NUS1: variants seen among roughly 807,000 people sequenced by gnomAD.
NUS1 encodes NUS1 dehydrodolichyl diphosphate synthase subunit.
For missense variants in NUS1, 292 were observed against 382.9 expected, an observed-to-expected ratio of 0.76 and a Z score of 1.98; for synonymous variants, 135 against 155.2, an observed-to-expected ratio of 0.87 and a Z score of 0.97.
intron 4 of NUS1, among the ~76,000 whole-genome samples, chr6:117,706,490 C>G (rs540966250): frequency 6.6e-6 from 1 of 152,308 alleles, no homozygotes; most frequent in Admixed American, 6.5e-5. Context: ...TCTCTCATTA[C>G]TAGTTGCTTT....
Position 117,710,078 on chromosome 6 carries a change from T to A in NUS1, c.*3063T>A, listed in dbSNP as rs1392100868. 1 of 152,298 alleles carries A rather than the reference T, an allele frequency of 6.6e-6. No homozygotes were observed. The highest frequency in any genetic ancestry group is 1.9e-4 in the East Asian group (1 of 5,190). The allele number at this position is 152,298 out of a possible 1,614,324, so 9.4% of individuals were successfully genotyped here. A position where few individuals can be genotyped will look rare whatever the true frequency, so the allele number is the denominator to read the frequency against. On this transcript the variant is annotated 3_prime_UTR_variant, in exon 5 of 5. Coordinates refer to ENST00000368494, the MANE Select transcript of NUS1 (RefSeq NM_138459.5). ...TCCACAGTAATTAAAATTTGAATTT[T>A]TACCGAATATGAAATTTCCAAATTA...
chr6:117,693,465 C>T (rs1242230183), intron 2 of NUS1, among the ~76,000 whole-genome samples: 2 of 151,928 alleles, frequency 1.3e-5, no homozygotes, highest in African/African-American at 4.8e-5. Context: ...ACTGGTTGTT[C>T]TATGGAGTGA....
intron 3 of NUS1, among the ~76,000 whole-genome samples, chr6:117,702,621 A>AT (rs1773426631): frequency 6.6e-6 from 1 of 152,070 alleles, no homozygotes; most frequent in African/African-American, 2.4e-5. Flanking sequence ...CCTTCTTGTC[A>AT]TTTTTTATGG....
In NUS1 at chr6:117,703,770, A is replaced by G. The variant is rs563401402; in HGVS notation, c.791+66A>G. ...AAGTGTTTCTTGAGTTCAGCACTGT[A>G]CTAGATCTGGTGGGGATTTCCAAAG... On this transcript the variant is annotated intron_variant, in intron 4 of 4. Transcript: ENST00000368494. 38 of 1,069,720 alleles carry G rather than the reference A, an allele frequency of 3.6e-5. 1 individual carries two copies. The South Asian group carries it at 4.7e-4, about 13-fold the overall frequency. The allele number at this position is 1,069,720 out of a possible 1,614,324, so 66.3% of individuals were successfully genotyped here.
At position 117,708,207 on chromosome 6, in the gene NUS1, A is replaced by G. The variant is rs1370280544; in HGVS notation, c.*1192A>G. The G allele has an allele frequency of 6.5e-6, 1 of 152,686 alleles. No individual in the cohort carries two copies. Among genetic ancestry groups the G allele is most frequent in the Non-Finnish European group, 1.5e-5 (1 of 68,036 alleles). 9.5% of individuals were successfully genotyped at this position (152,686 alleles called of 1,614,324 possible). A position where few individuals can be genotyped will look rare whatever the true frequency, so the allele number is the denominator to read the frequency against. Reference sequence around the variant, plus strand: ...CAAAGTCTATAAAAATAAATTTTACATGTTCTCTTTTATGACAGAGAGCAG... The same window carrying G: ...CAAAGTCTATAAAAATAAATTTTACGTGTTCTCTTTTATGACAGAGAGCAG... On this transcript the variant is annotated 3_prime_UTR_variant, in exon 5 of 5. Coordinates refer to ENST00000368494, the MANE Select transcript of NUS1 (RefSeq NM_138459.5).
intron 3 of NUS1, among the ~76,000 whole-genome samples, chr6:117,699,956 G>A (rs566937876): frequency 6.6e-6 from 1 of 152,184 alleles, no homozygotes; most frequent in African/African-American, 2.4e-5. Flanking sequence ...ATATCCGCAT[G>A]GAAAATAATG....
chr6:117,693,330 G>GT (rs1482130560), intron 2 of NUS1, among the ~76,000 whole-genome samples, 163 bp downstream of exon 2: 1 of 152,024 alleles, frequency 6.6e-6, no homozygotes, highest in Non-Finnish European at 1.5e-5. Context: ...CTTAATCTTG[G>GT]TAAAAAGTGA....
rs185647079 is a variant in NUS1, at chr6:117,677,070, T to C, written c.415+985T>C. Among the ~76,000 whole-genome samples the C allele has an allele frequency of 1.8e-3, 277 of 152,296 alleles. 1 individual carries two copies. The highest frequency in any genetic ancestry group is 6.3e-3 in the African/African-American group (261 of 41,554). On this transcript the variant is annotated intron_variant, in intron 1 of 4. Coordinates refer to ENST00000368494, the MANE Select transcript of NUS1 (RefSeq NM_138459.5). Reference sequence around the variant, plus strand: ...AGAATTGTCCTCTCATATGTTTTGATTGAGGGAATGAATTTCACCATAGGG... The same window carrying C: ...AGAATTGTCCTCTCATATGTTTTGACTGAGGGAATGAATTTCACCATAGGG...
chr6:117,680,695 C>G (rs574352716), intron 1 of NUS1, among the ~76,000 whole-genome samples: 4 of 152,278 alleles, frequency 2.6e-5, no homozygotes, highest in Admixed American at 6.5e-5. Context: ...TGCTACTTGC[C>G]TTACATTAGA....
chr6:117,694,185 GT>G lies in NUS1; in HGVS notation c.691+12del. ...ATACGTTAGCCAGTTTACTTAGTAA[GT>G]TTTTTTATATATATATACATATATA... On this transcript the variant is annotated splice_donor_region_variant and intron_variant, in intron 3 of 4. Coordinates refer to ENST00000368494, the MANE Select transcript of NUS1 (RefSeq NM_138459.5). 2 of 1,543,482 alleles carry G rather than the reference GT, an allele frequency of 1.3e-6. No individual in the cohort carries two copies. Among genetic ancestry groups the G allele is most frequent in the Non-Finnish European group, 1.8e-6 (2 of 1,133,722 alleles).
chr6:117,698,095 T>C (rs994914577), intron 3 of NUS1, among the ~76,000 whole-genome samples: 1 of 151,770 alleles, frequency 6.6e-6, no homozygotes, highest in Non-Finnish European at 1.5e-5. Flanking sequence ...AATTGAAAAA[T>C]TTACTGAAAC....
chr6:117,676,487 A>G (rs962212874), intron 1 of NUS1, among the ~76,000 whole-genome samples: 1 of 152,200 alleles, frequency 6.6e-6, no homozygotes, highest in Non-Finnish European at 1.5e-5. Flanking sequence ...CTGAGGCAGG[A>G]GAATCGCTGG....
At position 117,710,033 on chromosome 6, in the gene NUS1, A is replaced by G. The variant is rs1773553271; in HGVS notation, c.*3018A>G. The G allele has an allele frequency of 3.3e-5, 5 of 152,164 alleles. No homozygotes were observed. The highest frequency in any genetic ancestry group is 1.3e-4 in the Admixed American group (2 of 15,278). The allele number at this position is 152,164 out of a possible 1,614,324, so 9.4% of individuals were successfully genotyped here. A position where few individuals can be genotyped will look rare whatever the true frequency, so the allele number is the denominator to read the frequency against. On this transcript the variant is annotated 3_prime_UTR_variant, in exon 5 of 5. Coordinates refer to ENST00000368494, the MANE Select transcript of NUS1 (RefSeq NM_138459.5). ...ATAGTGAAATAAATTCAGCTTTGCC[A>G]TTGCTGGAGTTGTCAAAATTCCACA...
At chr6:117,703,444 G>A (rs1773457067) in intron 3 of NUS1, among the ~76,000 whole-genome samples, 161 bp from the exon 4 acceptor site, 1 of 152,146 alleles carries the variant, frequency 6.6e-6, no homozygotes, top group Non-Finnish European at 1.5e-5. Flanking sequence ...ACAGAGTTGG[G>A]GGTGGGGCAT....
chr6:117,675,675 C>T lies in NUS1; in HGVS notation c.5C>T (p.Thr2Met). Residue 2 changes from threonine to methionine, a missense_variant, in exon 1 of 5, where the codon ACG becomes ATG. By Grantham distance (81) the Thr-to-Met change is moderately conservative. Coordinates refer to ENST00000368494, the MANE Select transcript of NUS1 (RefSeq NM_138459.5). ...GTGTCTGAGGGCCACAAGAGTATGA[C>T]GGGGCTGTACGAGCTGGTGTGGCGG... The part of the protein sequence containing the change: M[T>M]GLYELVWRVL... 4 of 1,462,618 alleles carry T rather than the reference C, an allele frequency of 2.7e-6. No individual in the cohort carries two copies. Among genetic ancestry groups the T allele is most frequent in the South Asian group, 1.2e-5 (1 of 83,672 alleles). The allele number at this position is 1,462,618 out of a possible 1,614,324, so 90.6% of individuals were successfully genotyped here.
intron 3 of NUS1, among the ~76,000 whole-genome samples, chr6:117,697,950 A>G (rs1272829555): frequency 1.3e-5 from 2 of 152,110 alleles, no homozygotes; most frequent in African/African-American, 4.8e-5. Flanking sequence ...TTGAAATAAT[A>G]TCAAGCATCT....
chr6:117,702,718 G>A (rs545866559), intron 3 of NUS1, among the ~76,000 whole-genome samples: 77 of 152,092 alleles, frequency 5.1e-4, no homozygotes, highest in Non-Finnish European at 9.3e-4. Flanking sequence ...CTTTTAGAAG[G>A]ACTTTGTTAT....
intron 1 of NUS1, among the ~76,000 whole-genome samples, chr6:117,691,883 C>T (rs1000205837): frequency 1.1e-4 from 16 of 151,658 alleles, no homozygotes; most frequent in Non-Finnish European, 2.1e-4. Context: ...TGCTCTGTTA[C>T]TCTTTAATGT....
At chr6:117,681,284 T>C (rs1773058327) in intron 1 of NUS1, among the ~76,000 whole-genome samples, 1 of 152,248 alleles carries the variant, frequency 6.6e-6, no homozygotes, top group Non-Finnish European at 1.5e-5. Context: ...GCATAAACTT[T>C]CTTACTAGAT....
Sources: gnomAD v4.1 joint callset for allele counts (sites outside exome capture counted in the v4.1 genomes callset) on GRCh38, gnomAD v4.1.1 for gene constraint, MANE v1.5 for transcripts, NCBI Gene and HGNC (gene_info 2026-07-23, HGNC 2026-07-21) for gene names.